Variants in PLAGL1 observed in about 807,000 individuals in gnomAD.
The protein encoded by PLAGL1 is PLAG1 like zinc finger 1.
PLAGL1 carries 1 observed loss-of-function variant against 4.6 expected under a neutral mutation model. The observed-to-expected ratio is 0.22, with a 90% CI of 0.08 to 1.03. The LOEUF (loss-of-function observed/expected upper bound fraction) is 1.03, where lower values mean the gene tolerates loss of function less well. PLAGL1 is among the 50% of genes least tolerant of loss of function. PLAGL1 has a pLI of 0.58. For missense variants in PLAGL1, 464 were observed against 570.4 expected, an observed-to-expected ratio of 0.81 and a Z score of 1.90; for synonymous variants, 240 against 237.8, an observed-to-expected ratio of 1.01 and a Z score of -0.08.
In PLAGL1 at chr6:143,975,347, A is replaced by G. The variant is rs910490673; in HGVS notation, c.-543-6369T>C. Among the ~76,000 whole-genome samples, 6 of 152,192 alleles carry G rather than the reference A, an allele frequency of 3.9e-5. No individual in the cohort carries two copies. Among genetic ancestry groups the G allele is most frequent in the Non-Finnish European group, 8.8e-5 (6 of 68,032 alleles). On this transcript the variant is annotated intron_variant, in intron 2 of 7. Coordinates refer to ENST00000674357, the MANE Select transcript of PLAGL1 (RefSeq NM_001317162.2). This position sits in a 1 kb window ranked among gnomAD's most constrained non-coding sequence, Gnocchi z 5.8. The stretch of plus-strand genomic sequence containing the variant: ...AGATCTGTATTTAAATTTTAGTGTC[A>G]CTTTGTAATAATTTTATAAATTAAG...
chr6:143,967,944 AAAC>A (rs1028767811), intron 3 of PLAGL1: 1 of 151,502 alleles, frequency 6.6e-6, no homozygotes, highest in African/African-American at 2.4e-5. Flanking sequence ...AAACTTACAA[AAAC>A]AACTGGAATT....
At chr6:143,969,263 C>T (rs1236702012) in intron 2 of PLAGL1, among the ~76,000 whole-genome samples, 2 of 152,020 alleles carry the variant, frequency 1.3e-5, no homozygotes, top group Non-Finnish European at 2.9e-5. Flanking sequence ...CTTGGTGCCA[C>T]CTGGAGCCAC....
At chr6:143,991,072 T>C (rs1448611470) in intron 1 of PLAGL1, among the ~76,000 whole-genome samples, 1 of 152,194 alleles carries the variant, frequency 6.6e-6, no homozygotes, top group East Asian at 1.9e-4. Context: ...GTTGTTTCCA[T>C]TAGATGATGG....
intron 2 of PLAGL1, among the ~76,000 whole-genome samples, chr6:143,969,602 T>G (rs139414764): frequency 7.9e-5 from 12 of 151,032 alleles, no homozygotes; most frequent in Admixed American, 7.9e-4. Flanking sequence ...CTGGGCAACA[T>G]AGCAGGACTC....
In PLAGL1 at chr6:144,056,590, G is replaced by A. The variant is rs1798989900; in HGVS notation, c.-151+7878C>T. Among the ~76,000 whole-genome samples, 1 of 152,094 alleles carries A rather than the reference G, an allele frequency of 6.6e-6. No homozygotes were observed. Among genetic ancestry groups the A allele is most frequent in the Non-Finnish European group, 1.5e-5 (1 of 68,026 alleles). ...GTCATACAGTAGGTAGCCCTTTCAG[G>A]TTGGCTTCTTTCACTTAGTAATATG... On this transcript the variant is annotated intron_variant, in intron 1 of 3. Coordinates refer to the PLAGL1 transcript ENST00000437412. The surrounding 1 kb of genome is among the most constrained non-coding windows in gnomAD (Gnocchi z 4.7).
rs370394316 is a variant in PLAGL1 at position 143,941,451 on chromosome 6, C to T, written c.1365G>A (p.Leu455=). ...VFSAGTGSAI[L]PHFHHAFR is the part of the protein sequence containing the mutation. ...ATCTGAATGCATGATGGAAATGAGG[C>T]AGGATGGCAGAGCCAGTGCCAGCTG... The change falls in exon 8 of 8, where the codon CTG becomes CTA. Residue 455 remains leucine (L), a synonymous_variant. Coordinates refer to ENST00000674357, the MANE Select transcript of PLAGL1 (RefSeq NM_001317162.2). The surrounding 1 kb of genome is among the most constrained non-coding windows in gnomAD (Gnocchi z 6.0). 1.6e-5 allele frequency: 24 copies of T among 1,501,534 alleles called. No individual in the cohort carries two copies. Among genetic ancestry groups the T allele is most frequent in the Non-Finnish European group, 2.0e-5 (23 of 1,125,126 alleles). 93.0% of individuals were successfully genotyped at this position (1,501,534 alleles called of 1,614,324 possible).
rs941515120 is a variant in PLAGL1 at position 143,960,596 on chromosome 6, T to C, written c.-398-54A>G. The C allele has an allele frequency of 2.0e-5, 3 of 152,194 alleles. No homozygotes were observed. The highest frequency in any genetic ancestry group is 7.2e-5 in the African/African-American group (3 of 41,434). 9.4% of individuals were successfully genotyped at this position (152,194 alleles called of 1,614,324 possible). A position where few individuals can be genotyped will look rare whatever the true frequency, so the allele number is the denominator to read the frequency against. On this transcript the variant is annotated intron_variant, in intron 5 of 7. Coordinates refer to ENST00000674357, the MANE Select transcript of PLAGL1 (RefSeq NM_001317162.2). The surrounding 1 kb of genome is among the most constrained non-coding windows in gnomAD (Gnocchi z 5.7). ...GGGAATGAAGCTAGGAAAACATTCC[T>C]CCATTATGTTACCCCCTGAACTTCA... is the stretch of plus-strand genomic sequence containing the variant.
At chr6:144,001,413 T>C (rs1002519385) in intron 1 of PLAGL1, among the ~76,000 whole-genome samples, 7 of 152,048 alleles carry the variant, frequency 4.6e-5, no homozygotes, top group Non-Finnish European at 8.8e-5. Flanking sequence ...TATTAATAAA[T>C]GTAGAAAGAA....
rs1241925657 is a variant in PLAGL1, at chr6:143,973,393, A to G, written c.-543-4415T>C. 1.3e-5 allele frequency among the ~76,000 whole-genome samples: 2 copies of G among 152,180 alleles called. No individual in the cohort carries two copies. Among genetic ancestry groups the G allele is most frequent in the Non-Finnish European group, 2.9e-5 (2 of 68,040 alleles). ...TCCTACATTCCAGTGACAGTTCAGAATGCTAACCATGACAAACCAGCACAA... is the reference window on the plus strand; with the variant it reads ...TCCTACATTCCAGTGACAGTTCAGAGTGCTAACCATGACAAACCAGCACAA... On this transcript the variant is annotated intron_variant, in intron 2 of 7. Coordinates refer to ENST00000674357, the MANE Select transcript of PLAGL1 (RefSeq NM_001317162.2). The surrounding 1 kb of genome is among the most constrained non-coding windows in gnomAD (Gnocchi z 6.2).
chr6:144,051,558 G>A (rs912383558), intron 1 of PLAGL1, among the ~76,000 whole-genome samples: 1 of 152,174 alleles, frequency 6.6e-6, no homozygotes, highest in South Asian at 2.1e-4. Context: ...AACATTTCAT[G>A]TTGCAACCAA....
rs1436113860 is a variant in PLAGL1 at position 144,061,933 on chromosome 6, T to A, written c.-151+2535A>T. Among the ~76,000 whole-genome samples, 2 of 152,232 alleles carry A rather than the reference T, an allele frequency of 1.3e-5. No individual in the cohort carries two copies. The highest frequency in any genetic ancestry group is 4.8e-5 in the African/African-American group (2 of 41,460). Reference sequence around the variant, plus strand: ...AAGTGCATGCAATTAAAACAATGTATCAATTATATTTACTATGAATGTAGG... The same window carrying A: ...AAGTGCATGCAATTAAAACAATGTAACAATTATATTTACTATGAATGTAGG... On this transcript the variant is annotated intron_variant, in intron 1 of 3. Transcript: ENST00000437412. This position sits in a 1 kb window ranked among gnomAD's most constrained non-coding sequence, Gnocchi z 4.4.
At chr6:143,943,550 C>T (rs1293766716) in intron 7 of PLAGL1, among the ~76,000 whole-genome samples, 1 of 151,776 alleles carries the variant, frequency 6.6e-6, no homozygotes, top group African/African-American at 2.4e-5. Flanking sequence ...TCTTGATTTC[C>T]TTCATTCAAT....
chr6:144,036,636 G>A lies in PLAGL1; in HGVS notation c.-151+27832C>T. On this transcript the variant is annotated intron_variant, in intron 1 of 3. Transcript: ENST00000437412. This position sits in a 1 kb window ranked among gnomAD's most constrained non-coding sequence, Gnocchi z 5.1. ...TCTAGGAACATGTGTTTCTTATTCA[G>A]AATAGCTTTTTGTTTTGTTTGTTTT... The A allele has an allele frequency of 4.9e-6, 1 of 205,916 alleles. No individual in the cohort carries two copies. Among genetic ancestry groups the A allele is most frequent in the Non-Finnish European group, 9.8e-6 (1 of 101,932 alleles). 12.8% of individuals were successfully genotyped at this position (205,916 alleles called of 1,614,324 possible).
At position 143,958,397 on chromosome 6, in the gene PLAGL1, C is replaced by G. The variant is rs1350082664; in HGVS notation, c.-325+2072G>C. On this transcript the variant is annotated intron_variant, in intron 6 of 7. Transcript: ENST00000674357. The surrounding 1 kb of genome is among the most constrained non-coding windows in gnomAD (Gnocchi z 5.1). ...GCAGTTTTAAAGTAACGTGCAGTAACTTTTCAAGCTCGATGTAGAAATATC... is the reference window on the plus strand; with the variant it reads ...GCAGTTTTAAAGTAACGTGCAGTAAGTTTTCAAGCTCGATGTAGAAATATC... Among the ~76,000 whole-genome samples, 1 of 152,184 alleles carries G rather than the reference C, an allele frequency of 6.6e-6. No homozygotes were observed. Among genetic ancestry groups the G allele is most frequent in the Non-Finnish European group, 1.5e-5 (1 of 68,024 alleles).
rs1273286878 is a variant in PLAGL1 at position 143,940,785 on chromosome 6, A to G, written c.*639T>C. The G allele has an allele frequency of 1.3e-5, 2 of 151,824 alleles. No individual in the cohort carries two copies. The highest frequency in any genetic ancestry group is 4.9e-5 in the African/African-American group (2 of 41,184). 9.4% of individuals were successfully genotyped at this position (151,824 alleles called of 1,614,324 possible). ...ACAACCAGTTTAGTCTTTCTTTAAG[A>G]TAAATGAAGTGATAACTCACATTGC... On this transcript the variant is annotated 3_prime_UTR_variant, in exon 8 of 8. Transcript: ENST00000674357.
At chr6:144,052,595 T>A (rs999377819) in intron 1 of PLAGL1, among the ~76,000 whole-genome samples, 7 of 152,240 alleles carry the variant, frequency 4.6e-5, no homozygotes, top group African/African-American at 1.7e-4. Context: ...ATCTTGTTCA[T>A]ATGGTTGCAA....
At chr6:144,049,628 A>G (rs1051272794) in intron 1 of PLAGL1, among the ~76,000 whole-genome samples, 3 of 152,056 alleles carry the variant, frequency 2.0e-5, no homozygotes, top group African/African-American at 7.2e-5. Flanking sequence ...GAACTCACTC[A>G]CTATCATGAG....
At chr6:144,001,040 A>AT (rs1792744395) in intron 1 of PLAGL1, among the ~76,000 whole-genome samples, 1 of 152,086 alleles carries the variant, frequency 6.6e-6, no homozygotes, top group South Asian at 2.1e-4. Flanking sequence ...TAGCACACAG[A>AT]TTTTGGTTTC....
chr6:143,962,679 T>C lies in PLAGL1; in HGVS notation c.-399+2108A>G, dbSNP rs1783623253. Among the ~76,000 whole-genome samples the C allele has an allele frequency of 6.6e-6, 1 of 152,252 alleles. No individual in the cohort carries two copies. The highest frequency in any genetic ancestry group is 2.1e-4 in the South Asian group (1 of 4,838). ...CTCTTAATGAACTGGTTTAGCCGCC[T>C]GCTGGGCATTCACTGAAACCCACAT... On this transcript the variant is annotated intron_variant, in intron 5 of 7. Coordinates refer to ENST00000674357, the MANE Select transcript of PLAGL1 (RefSeq NM_001317162.2). This position sits in a 1 kb window ranked among gnomAD's most constrained non-coding sequence, Gnocchi z 5.3.
Sources: allele counts gnomAD v4.1 joint callset (sites outside exome capture counted in the v4.1 genomes callset), GRCh38; gene constraint gnomAD v4.1.1; non-coding constraint Gnocchi (gnomAD v3.1); transcripts MANE v1.5; gene names NCBI Gene and HGNC (gene_info 2026-07-23, HGNC 2026-07-21).